Variants in MPPED2 observed in about 807,000 individuals in gnomAD.
The protein encoded by MPPED2 is metallophosphoesterase MPPED2.
In MPPED2, 5 loss-of-function variants were observed where a neutral mutation model predicts 33.0. The observed-to-expected ratio is 0.15, with a 90% CI of 0.08 to 0.32. The LOEUF (loss-of-function observed/expected upper bound fraction) is 0.32, where lower values mean the gene tolerates loss of function less well. Ranked by LOEUF, MPPED2 falls within the 10% of genes least tolerant of loss-of-function variation. The pLI, the probability that MPPED2 is intolerant of heterozygous loss-of-function variation, is 1.00. For missense variants in MPPED2, 275 were observed against 372.1 expected (o/e 0.74, Z 2.15); for synonymous variants, 136 against 141.9 (o/e 0.96, Z 0.29).
intron 4 of MPPED2, among the ~76,000 whole-genome samples, chr11:30,493,795 A>C: frequency 6.6e-6 from 1 of 152,204 alleles, no homozygotes; most frequent in Non-Finnish European, 1.5e-5. Flanking sequence ...TCTTCAGTCC[A>C]CTGCAAACTT....
At chr11:30,428,502 C>T (rs1197582794) in intron 4 of MPPED2, among the ~76,000 whole-genome samples, 1 of 152,146 alleles carries the variant, frequency 6.6e-6, no homozygotes, top group Non-Finnish European at 1.5e-5. Context: ...TACACCACTG[C>T]ACTCCAGCCT....
intron 3 of MPPED2, among the ~76,000 whole-genome samples, chr11:30,513,225 A>G (rs770515614): frequency 2.0e-5 from 3 of 152,182 alleles, no homozygotes; most frequent in Non-Finnish European, 4.4e-5. Context: ...CAGAGACAGG[A>G]GTCCTCAGTC....
intron 4 of MPPED2, among the ~76,000 whole-genome samples, chr11:30,460,865 C>G (rs1590365614): frequency 6.6e-6 from 1 of 152,098 alleles, no homozygotes; most frequent in East Asian, 1.9e-4. Flanking sequence ...CCCAGCAATT[C>G]CACTTCTAAG....
chr11:30,424,750 C>T (rs935336747), intron 4 of MPPED2, among the ~76,000 whole-genome samples: 4 of 152,170 alleles, frequency 2.6e-5, no homozygotes, highest in African/African-American at 9.7e-5. Context: ...CCCCAACTCC[C>T]AAGTCCCTCC....
intron 4 of MPPED2, among the ~76,000 whole-genome samples, chr11:30,449,414 A>C (rs1042932432): frequency 2.0e-5 from 3 of 152,180 alleles, no homozygotes; most frequent in Non-Finnish European, 2.9e-5. Flanking sequence ...TGGGAGGCTG[A>C]GGTAAACAGA....
chr11:30,522,450 T>C (rs375136332), intron 3 of MPPED2, among the ~76,000 whole-genome samples: 1 of 151,816 alleles, frequency 6.6e-6, no homozygotes, highest in East Asian at 1.9e-4. Flanking sequence ...AAAGCAAATG[T>C]AGCAAAACAT....
rs1298065572 is a variant in MPPED2 at position 30,440,831 on chromosome 11, A to G, written c.537-23198T>C. Among the ~76,000 whole-genome samples the G allele has an allele frequency of 2.6e-5, 4 of 152,192 alleles. No homozygotes were observed. In the East Asian group the frequency reaches 7.7e-4, roughly 29 times the overall value. ...GTCCTATCAGCTCAGAGTTACCACA[A>G]TGATGCATGCAGAGGACGCTAAGAA... On this transcript the variant is annotated intron_variant, in intron 4 of 6. Coordinates refer to ENST00000358117, the MANE Select transcript of MPPED2 (RefSeq NM_001584.3).
intron 1 of MPPED2, 75 bp from the exon 2 acceptor site, chr11:30,580,569 T>C (rs1368896627): frequency 7.4e-7 from 1 of 1,350,576 alleles, no homozygotes; most frequent in Non-Finnish European, 9.6e-7. Context: ...AAATTTAACA[T>C]CTAGACATGA....
At chr11:30,434,659 A>G (rs1273811376) in intron 4 of MPPED2, among the ~76,000 whole-genome samples, 1 of 152,220 alleles carries the variant, frequency 6.6e-6, no homozygotes, top group Non-Finnish European at 1.5e-5. Context: ...TCTAACTCCA[A>G]TAATAATAGT....
At chr11:30,460,553 T>G (rs1449929172) in intron 4 of MPPED2, among the ~76,000 whole-genome samples, 1 of 152,088 alleles carries the variant, frequency 6.6e-6, no homozygotes, top group Non-Finnish European at 1.5e-5. Flanking sequence ...ATCGCAGGAG[T>G]TCCAGGCTGC....
intron 4 of MPPED2, among the ~76,000 whole-genome samples, chr11:30,479,005 G>C (rs1364032935): frequency 6.6e-6 from 1 of 152,060 alleles, no homozygotes; most frequent in Non-Finnish European, 1.5e-5. Flanking sequence ...CAAAGCAGGA[G>C]AAAACTTCAG....
At chr11:30,449,335 G>C (rs1949949856) in intron 4 of MPPED2, among the ~76,000 whole-genome samples, 1 of 152,124 alleles carries the variant, frequency 6.6e-6, no homozygotes, top group Non-Finnish European at 1.5e-5. Context: ...GAGTATTTTT[G>C]AGCTGAAAGC....
intron 4 of MPPED2, among the ~76,000 whole-genome samples, chr11:30,425,240 A>G (rs1948781404): frequency 6.6e-6 from 1 of 152,058 alleles, no homozygotes; most frequent in Admixed American, 6.5e-5. Context: ...TTACAAACAC[A>G]CCCGCTGTGT....
At chr11:30,568,750 T>C (rs898487257) in intron 2 of MPPED2, among the ~76,000 whole-genome samples, 6 of 152,148 alleles carry the variant, frequency 3.9e-5, no homozygotes, top group Non-Finnish European at 8.8e-5. Context: ...AGTTAAATTA[T>C]TTTTTCCCTC....
chr11:30,542,871 T>C (rs1955203306), intron 2 of MPPED2, among the ~76,000 whole-genome samples: 1 of 152,178 alleles, frequency 6.6e-6, no homozygotes, highest in Admixed American at 6.6e-5. Context: ...CAAGCTAAAA[T>C]ATACCTGCAC....
At chr11:30,390,684 T>C (rs1233990058) in intron 6 of MPPED2, among the ~76,000 whole-genome samples, 2 of 152,210 alleles carry the variant, frequency 1.3e-5, no homozygotes, top group African/African-American at 4.8e-5. Flanking sequence ...AAACAACAAC[T>C]TATTGTTATA....
intron 2 of MPPED2, among the ~76,000 whole-genome samples, chr11:30,568,625 G>A (rs1263813026): frequency 6.6e-6 from 1 of 152,094 alleles, no homozygotes; most frequent in Non-Finnish European, 1.5e-5. Context: ...TCTCACTCTG[G>A]ACTGCTTTGT....
intron 2 of MPPED2, among the ~76,000 whole-genome samples, chr11:30,560,535 A>G (rs1956194894): frequency 6.6e-6 from 1 of 152,180 alleles, no homozygotes; most frequent in African/African-American, 2.4e-5. Flanking sequence ...TCTAGAGGAC[A>G]TGAACAAGTA....
intron 4 of MPPED2, chr11:30,451,993 G>A (rs1473132459): frequency 1.4e-5 from 14 of 985,320 alleles, no homozygotes; most frequent in East Asian, 1.1e-4. Context: ...GGAGGGAGCC[G>A]TAAAACGATT....
Sources: allele counts gnomAD v4.1 joint callset (sites outside exome capture counted in the v4.1 genomes callset), GRCh38; gene constraint gnomAD v4.1.1; transcripts MANE v1.5; gene names NCBI Gene and HGNC (gene_info 2026-07-23, HGNC 2026-07-21).